Variants in SNTA1 observed in about 807,000 individuals in gnomAD.
SNTA1 encodes the protein alpha-1-syntrophin.
In SNTA1, 31 loss-of-function variants were observed where a neutral mutation model predicts 47.1. That is an observed-to-expected ratio of 0.66 (90% CI 0.49 to 0.89). The LOEUF (loss-of-function observed/expected upper bound fraction) is 0.89, where lower values mean the gene tolerates loss of function less well. SNTA1 is among the 40% of genes least tolerant of loss of function. SNTA1 has a pLI of 0.00. For missense variants in SNTA1, 575 were observed against 693.0 expected, an observed-to-expected ratio of 0.83 and a Z score of 1.91; for synonymous variants, 300 against 313.6, an observed-to-expected ratio of 0.96 and a Z score of 0.46.
At chr20:33,423,069 G>T (rs1029840195) in intron 2 of SNTA1, among the ~76,000 whole-genome samples, 1 of 152,156 alleles carries the variant, frequency 6.6e-6, no homozygotes, top group Non-Finnish European at 1.5e-5. Flanking sequence ...GAATCCAGCA[G>T]AGATCTCATA....
intron 2 of SNTA1, among the ~76,000 whole-genome samples, chr20:33,425,141 G>A (rs1247247063): frequency 1.3e-5 from 2 of 151,970 alleles, no homozygotes; most frequent in African/African-American, 4.8e-5. Context: ...GCCGGGCATG[G>A]TAGAGCACAC....
intron 2 of SNTA1, among the ~76,000 whole-genome samples, chr20:33,432,884 G>A (rs574485137): frequency 4.2e-4 from 64 of 152,218 alleles, no homozygotes; most frequent in African/African-American, 1.5e-3. Flanking sequence ...TGATCTCTAT[G>A]AGGGCTATAC....
In SNTA1 at chr20:33,417,838, G is replaced by A. The variant is rs774186772; in HGVS notation, c.582C>T (p.Pro194=). 5.0e-6 allele frequency: 8 copies of A among 1,613,806 alleles called. No homozygotes were observed. The South Asian group carries it at 7.7e-5, about 16-fold the overall frequency. ...SVGWDSPPAS[P]LQRQPSSPGP... is the part of the protein sequence containing the mutation. ...CAGGGGAGGAAGGCTGCCGCTGAAG[G>A]GGTGAGGCAGGAGGTGAGTCCCAGC... The change falls in exon 3 of 8, where the codon CCC becomes CCT. Residue 194 remains proline, a synonymous_variant. Coordinates refer to ENST00000217381, the MANE Select transcript of SNTA1 (RefSeq NM_003098.3).
intron 1 of SNTA1, 49 bp downstream of exon 1, chr20:33,443,262 G>T: frequency 7.1e-7 from 1 of 1,418,078 alleles, no homozygotes; most frequent in Non-Finnish European, 9.3e-7. Context: ...CTGCGCCCTC[G>T]GCTGCCCCCA....
intron 3 of SNTA1, among the ~76,000 whole-genome samples, chr20:33,413,578 G>C (rs1457644527): frequency 6.6e-6 from 1 of 151,130 alleles, no homozygotes; most frequent in Non-Finnish European, 1.5e-5. Flanking sequence ...CAGCTCCCAG[G>C]TTCTCCTTGT....
At chr20:33,422,447 A>AG (rs1394975292) in intron 2 of SNTA1, among the ~76,000 whole-genome samples, 3 of 151,204 alleles carry the variant, frequency 2.0e-5, no homozygotes, top group Non-Finnish European at 2.9e-5. Flanking sequence ...TCAAAAAAAA[A>AG]AAAAGAAAAG....
chr20:33,428,096 A>G (rs2146790779), intron 2 of SNTA1, among the ~76,000 whole-genome samples: 1 of 152,212 alleles, frequency 6.6e-6, no homozygotes. Context: ...CAATAATGGG[A>G]CACCACATAA....
chr20:33,428,282 AC>A (rs1489565250), intron 2 of SNTA1, among the ~76,000 whole-genome samples: 1 of 151,938 alleles, frequency 6.6e-6, no homozygotes, highest in African/African-American at 2.4e-5. Flanking sequence ...GGTGGTGTGC[AC>A]CTGTAGTCCC....
At chr20:33,442,666 G>C (rs994801444) in intron 1 of SNTA1, among the ~76,000 whole-genome samples, 10 of 152,110 alleles carry the variant, frequency 6.6e-5, no homozygotes, top group Non-Finnish European at 1.3e-4. Context: ...CAGTCTGGTT[G>C]CACCCTAACT....
At chr20:33,428,184 G>C (rs1873468346) in intron 2 of SNTA1, among the ~76,000 whole-genome samples, 1 of 152,160 alleles carries the variant, frequency 6.6e-6, no homozygotes, top group East Asian at 1.9e-4. Flanking sequence ...ATGGTGGGCA[G>C]ATCACCTGAG....
At chr20:33,416,931 ACT>A (rs1270549209) in intron 3 of SNTA1, among the ~76,000 whole-genome samples, 2 of 132,980 alleles carry the variant, frequency 1.5e-5, no homozygotes, top group Non-Finnish European at 3.1e-5. Context: ...ACAGAGTGAG[ACT>A]CTGTCAAAAA....
At chr20:33,429,328 T>C (rs1600855255) in intron 2 of SNTA1, among the ~76,000 whole-genome samples, 2 of 64,338 alleles carry the variant, frequency 3.1e-5, no homozygotes, top group African/African-American at 6.6e-5. Context: ...ACAGTAAGAC[T>C]CCACCTAAAA....
At position 33,414,892 on chromosome 20, in the gene SNTA1, G is replaced by A. The variant is rs560283125; in HGVS notation, c.702-2110C>T. ...CCTGGACTTCTTTTTAAACATGTGG[G>A]AAAATTAACCCCTTTTATTTAAGTC... On this transcript the variant is annotated intron_variant, in intron 3 of 7. Transcript: ENST00000217381. 5.9e-5 allele frequency among the ~76,000 whole-genome samples: 9 copies of A among 152,308 alleles called. No homozygotes were observed. The South Asian group carries it at 6.2e-4, about 11-fold the overall frequency.
chr20:33,420,182 CA>C (rs1302941987), intron 2 of SNTA1, among the ~76,000 whole-genome samples: 1 of 152,118 alleles, frequency 6.6e-6, no homozygotes, highest in Non-Finnish European at 1.5e-5. Context: ...CCTCAGCCTC[CA>C]AAAGTGCTGG....
intron 3 of SNTA1, among the ~76,000 whole-genome samples, chr20:33,414,257 A>AAAAAAAAAAAAAAAAAAAAC (rs1989819537): frequency 7.3e-6 from 1 of 136,786 alleles, no homozygotes; most frequent in Non-Finnish European, 1.5e-5. Context: ...AAAAAAAAAA[A>AAAAAAAAAAAAAAAAAAAAC]AAAAAAAAAA....
Position 33,417,831 on chromosome 20 carries a change from G to A in SNTA1, c.589C>T (p.Arg197Trp), listed in dbSNP as rs530603992. The change falls in exon 3 of 8, where the codon CGG becomes TGG. Residue 197 changes from arginine (R) to tryptophan (W), a missense_variant. Transcript: ENST00000217381. ...WDSPPASPLQ[R>W]QPSSPGPTPR... ...GTGGGGCCAGGGGAGGAAGGCTGCCGCTGAAGGGGTGAGGCAGGAGGTGAG... is the reference window on the plus strand; with the variant it reads ...GTGGGGCCAGGGGAGGAAGGCTGCCACTGAAGGGGTGAGGCAGGAGGTGAG... The A allele has an allele frequency of 5.0e-5, 81 of 1,613,808 alleles. No homozygotes were observed. In the East Asian group the frequency reaches 7.4e-4, roughly 15 times the overall value.
chr20:33,417,860 C>T lies in SNTA1; in HGVS notation c.560G>A (p.Trp187Ter). Residue 187 changes from tryptophan to a stop codon, truncating the protein, a stop_gained, in exon 3 of 8, where the codon TGG (tryptophan) becomes TAG (stop). Coordinates refer to ENST00000217381, the MANE Select transcript of SNTA1 (RefSeq NM_003098.3). LOFTEE classifies it high-confidence loss of function. ...AAGGGGTGAGGCAGGAGGTGAGTCC[C>T]AGCCGACCGAGGTCCCACCAGTAGA... is the stretch of plus-strand genomic sequence containing the variant. ...KNSTGGTSVG[W>*]DSPPASPLQR... is the part of the protein sequence containing the mutation. 1 of 1,614,108 alleles carries T rather than the reference C, an allele frequency of 6.2e-7. No homozygotes were observed. The highest frequency in any genetic ancestry group is 8.5e-7 in the Non-Finnish European group (1 of 1,180,008).
rs1431131452 is a variant in SNTA1 at position 33,408,031 on chromosome 20, G to C, written c.*476C>G. 3.1e-5 allele frequency: 7 copies of C among 228,682 alleles called. No individual in the cohort carries two copies. The East Asian group carries it at 7.2e-4, about 23-fold the overall frequency. The allele number at this position is 228,682 out of a possible 1,614,324, so 14.2% of individuals were successfully genotyped here. A position where few individuals can be genotyped will look rare whatever the true frequency, so the allele number is the denominator to read the frequency against. Reference sequence around the variant, plus strand: ...GTAAGGAGGAGAGAGACAGGATGAAGAGAAAAACCAGACTCCCCACGGTGG... The same window carrying C: ...GTAAGGAGGAGAGAGACAGGATGAACAGAAAAACCAGACTCCCCACGGTGG... On this transcript the variant is annotated 3_prime_UTR_variant, in exon 8 of 8. Transcript: ENST00000217381.
rs774643587 is a variant in SNTA1 at position 33,412,708 on chromosome 20, G to A, written c.776C>T (p.Ser259Leu). 2.7e-5 allele frequency: 43 copies of A among 1,613,484 alleles called. No homozygotes were observed. The highest frequency in any genetic ancestry group is 1.6e-4 in the Middle Eastern group (1 of 6,084). ...LRAKDEASAR[S>L]WATAIQAQVN... Reference sequence around the variant, plus strand: ...CTGGGCTTGGATGGCAGTCGCCCACGACCTCGCACTAGCCTCATCCTTGGC... The same window carrying A: ...CTGGGCTTGGATGGCAGTCGCCCACAACCTCGCACTAGCCTCATCCTTGGC... Residue 259 changes from serine to leucine, a missense_variant, in exon 4 of 8, where the codon TCG becomes TTG. By Grantham distance (145) the Ser-to-Leu change is moderately radical. Coordinates refer to ENST00000217381, the MANE Select transcript of SNTA1 (RefSeq NM_003098.3).
Sources: allele counts gnomAD v4.1 joint callset (sites outside exome capture counted in the v4.1 genomes callset), GRCh38; gene constraint gnomAD v4.1.1; transcripts MANE v1.5; gene names NCBI Gene and HGNC (gene_info 2026-07-23, HGNC 2026-07-21).